Variants in B4GALT5 observed in about 807,000 individuals in gnomAD.
B4GALT5 encodes the protein beta-1,4-galactosyltransferase 5.
A neutral mutation model predicts 45.0 loss-of-function variants in B4GALT5; 11 were observed. The observed-to-expected ratio is 0.24, with a 90% CI of 0.15 to 0.40. The LOEUF is 0.40. Among genes scored for constraint, B4GALT5 ranks in the 10% least tolerant of loss-of-function variants. The probability of loss-of-function intolerance (pLI) is 1.00; values close to 1 mark genes in which losing one functional copy is unlikely to be tolerated. For synonymous variants in B4GALT5, 185 were observed against 182.9 expected, an observed-to-expected ratio of 1.01 and a Z score of -0.09; for missense variants, 337 against 500.2, an observed-to-expected ratio of 0.67 and a Z score of 3.11.
At chr20:49,685,339 C>T (rs1197941435) in intron 1 of B4GALT5, among the ~76,000 whole-genome samples, 1 of 152,238 alleles carries the variant, frequency 6.6e-6, no homozygotes. Context: ...ACCACAAACC[C>T]AGGGGCTTCA....
intron 1 of B4GALT5, among the ~76,000 whole-genome samples, chr20:49,663,691 ATATAT>A (rs1432685886): frequency 0.16 from 13,355 of 85,346 alleles, 2,157 homozygotes; most frequent in Non-Finnish European, 0.17. Flanking sequence ...AAAAAAAAAA[ATATAT>A]ACATATATAT....
intron 3 of B4GALT5, among the ~76,000 whole-genome samples, 184 bp downstream of exon 3, chr20:49,646,781 C>T (rs1160502904): frequency 6.6e-6 from 1 of 152,146 alleles, no homozygotes; most frequent in Non-Finnish European, 1.5e-5. Flanking sequence ...GAAAATGGCA[C>T]CCAAGAACAC....
chr20:49,706,025 CAA>C (rs55753502), intron 1 of B4GALT5, among the ~76,000 whole-genome samples: 14 of 106,150 alleles, frequency 1.3e-4, no homozygotes, highest in Admixed American at 2.0e-4. Flanking sequence ...ACTAAAAATA[CAA>C]AAAAAAAAAA....
chr20:49,679,445 G>A (rs1178770228), intron 1 of B4GALT5, among the ~76,000 whole-genome samples: 1 of 151,838 alleles, frequency 6.6e-6, no homozygotes, highest in Non-Finnish European at 1.5e-5. Context: ...GAGACAGGCG[G>A]ATCATGAGGT....
intron 1 of B4GALT5, among the ~76,000 whole-genome samples, chr20:49,659,858 C>A (rs1450320198): frequency 2.0e-5 from 3 of 151,550 alleles, no homozygotes; most frequent in African/African-American, 4.9e-5. Flanking sequence ...GCTCACTGCA[C>A]CTCCACCTCC....
At chr20:49,649,930 T>C (rs1490412530) in intron 2 of B4GALT5, among the ~76,000 whole-genome samples, 1 of 152,142 alleles carries the variant, frequency 6.6e-6, no homozygotes. Flanking sequence ...TTCCCAAAAG[T>C]ATTACACTAA....
In B4GALT5 at chr20:49,636,141, G is replaced by A. The variant is rs1215374676; in HGVS notation, c.*171C>T. On this transcript the variant is annotated 3_prime_UTR_variant, in exon 9 of 9. Coordinates refer to ENST00000371711, the MANE Select transcript of B4GALT5 (RefSeq NM_004776.4). ...TCCCTCAGTTCCAGCGGCTGATCCA[G>A]TGAAGGCGTTTGTGCGTGTGCTGTC... The A allele has an allele frequency of 1.2e-6, 1 of 816,480 alleles. No individual in the cohort carries two copies. The highest frequency in any genetic ancestry group is 1.7e-5 in the African/African-American group (1 of 57,768). The allele number at this position is 816,480 out of a possible 1,614,324, so 50.6% of individuals were successfully genotyped here. A position where few individuals can be genotyped will look rare whatever the true frequency, so the allele number is the denominator to read the frequency against.
rs1315610490 is a variant in B4GALT5 at position 49,640,517 on chromosome 20, G to A, written c.755C>T (p.Pro252Leu). The A allele has an allele frequency of 1.2e-6, 2 of 1,609,006 alleles. No homozygotes were observed. The highest frequency in any genetic ancestry group is 1.3e-5 in the African/African-American group (1 of 74,732). The change falls in exon 6 of 9, where the codon CCG becomes CTG. Residue 252 changes from proline to leucine, a missense_variant. Pro to Leu is a moderately conservative substitution (Grantham distance 98). Transcript: ENST00000371711. ...ATCCAATTTGGTTGCAAAATGCCTC[G>A]GCATCTGTCCACATCCATAATAGTT... is the stretch of plus-strand genomic sequence containing the variant. ...DRNYYGCGQM[P>L]RHFATKLDKY...
chr20:49,692,572 T>C (rs1359751889), intron 1 of B4GALT5, among the ~76,000 whole-genome samples: 3 of 152,222 alleles, frequency 2.0e-5, no homozygotes, highest in Non-Finnish European at 2.9e-5. Flanking sequence ...TGAAAATCCT[T>C]GGAATAACAA....
At chr20:49,665,815 C>G (rs1054777927) in intron 1 of B4GALT5, among the ~76,000 whole-genome samples, 1 of 150,638 alleles carries the variant, frequency 6.6e-6, no homozygotes, top group African/African-American at 2.5e-5. Flanking sequence ...AAGAAGAGCA[C>G]TGAAGCAGGA....
At chr20:49,683,018 C>T (rs906162838) in intron 1 of B4GALT5, among the ~76,000 whole-genome samples, 1 of 151,900 alleles carries the variant, frequency 6.6e-6, no homozygotes, top group African/African-American at 2.4e-5. Context: ...TGCTTGAGCC[C>T]AGGAGTTCAA....
chr20:49,684,316 A>G (rs1194040479), intron 1 of B4GALT5, among the ~76,000 whole-genome samples: 1 of 152,154 alleles, frequency 6.6e-6, no homozygotes, highest in Non-Finnish European at 1.5e-5. Flanking sequence ...TAATCCCAGC[A>G]CTTTGGGAGG....
intron 1 of B4GALT5, among the ~76,000 whole-genome samples, chr20:49,679,282 C>T (rs566236528): frequency 1.4e-4 from 21 of 152,224 alleles, no homozygotes; most frequent in African/African-American, 4.6e-4. Flanking sequence ...GTTGTTGTTT[C>T]GCAATCACCA....
rs748784554 is a variant in B4GALT5 at position 49,636,297 on chromosome 20, G to A, written c.*15C>T. 1.4e-5 allele frequency: 22 copies of A among 1,613,302 alleles called. No individual in the cohort carries two copies. In the South Asian group the frequency reaches 1.6e-4, roughly 12 times the overall value. The stretch of plus-strand genomic sequence containing the variant: ...CTTGGTGGCGGTGGGTAAAGCAAAC[G>A]TACATTCTCTCCTCTCAGTACTCGT... On this transcript the variant is annotated 3_prime_UTR_variant, in exon 9 of 9. Transcript: ENST00000371711.
intron 5 of B4GALT5, among the ~76,000 whole-genome samples, chr20:49,641,186 C>T (rs548141923): frequency 1.9e-4 from 29 of 152,288 alleles, no homozygotes; most frequent in Admixed American, 6.5e-4. Flanking sequence ...TGATAGCAAA[C>T]GCAAGCTTCT....
chr20:49,639,562 A>G, intron 7 of B4GALT5, 116 bp downstream of exon 7: 1 of 1,425,816 alleles, frequency 7.0e-7, no homozygotes, highest in South Asian at 1.4e-5. Context: ...TTTAAACTGT[A>G]GCTACTAGAA....
chr20:49,667,985 C>G (rs892630412), intron 1 of B4GALT5, among the ~76,000 whole-genome samples: 2 of 152,038 alleles, frequency 1.3e-5, no homozygotes, highest in Admixed American at 1.3e-4. Flanking sequence ...CACCCATTGT[C>G]TTATCTATTT....
chr20:49,701,908 T>TA (rs951375120), intron 1 of B4GALT5, among the ~76,000 whole-genome samples: 2 of 151,616 alleles, frequency 1.3e-5, no homozygotes, highest in East Asian at 1.9e-4. Context: ...CTACCAAAAA[T>TA]AAAAAAATTA....
In B4GALT5 at chr20:49,633,002, A is replaced by G. The variant is rs1984411414; in HGVS notation, c.*3310T>C. The G allele has an allele frequency of 6.5e-6, 1 of 152,674 alleles. No homozygotes were observed. Among genetic ancestry groups the G allele is most frequent in the Non-Finnish European group, 1.5e-5 (1 of 68,048 alleles). The allele number at this position is 152,674 out of a possible 1,614,324, so 9.5% of individuals were successfully genotyped here. On this transcript the variant is annotated 3_prime_UTR_variant, in exon 9 of 9. Coordinates refer to ENST00000371711, the MANE Select transcript of B4GALT5 (RefSeq NM_004776.4). ...AAATCATTCATAAATTAACATACAAAAATGTACAAACACATGAGTAAATAA... is the reference window on the plus strand; with the variant it reads ...AAATCATTCATAAATTAACATACAAGAATGTACAAACACATGAGTAAATAA...
Sources: gnomAD v4.1 joint callset for allele counts (sites outside exome capture counted in the v4.1 genomes callset) on GRCh38, gnomAD v4.1.1 for gene constraint, MANE v1.5 for transcripts, NCBI Gene and HGNC (gene_info 2026-07-23, HGNC 2026-07-21) for gene names.